The following SPIDR variants were observed in gnomAD, a reference collection of about 807,000 sequenced individuals.
SPIDR encodes DNA repair-scaffolding protein.
Under a neutral mutation model 104.6 loss-of-function variants are expected in SPIDR, and 93 were observed. The ratio of observed to expected loss-of-function variants is 0.89; its 90% CI spans 0.75 to 1.06. SPIDR has a LOEUF of 1.06. Among genes scored for constraint, SPIDR ranks in the 50% least tolerant of loss-of-function variants. SPIDR has a pLI of 0.00. For missense variants in SPIDR, 1,154 were observed against 1,111.2 expected, an observed-to-expected ratio of 1.04 and a Z score of -0.55; for synonymous variants, 431 against 416.9, an observed-to-expected ratio of 1.03 and a Z score of -0.41.
At chr8:47,569,536 T>G (rs2130413) in intron 8 of SPIDR, among the ~76,000 whole-genome samples, 73,989 of 152,072 alleles carry the variant, frequency 0.49, 21,263 homozygotes, top group East Asian at 0.73. Context: ...CTTAATAAGT[T>G]AAAATATTCA....
At chr8:47,558,884 C>T (rs752283019) in intron 8 of SPIDR, among the ~76,000 whole-genome samples, 20 of 152,292 alleles carry the variant, frequency 1.3e-4, no homozygotes, top group Admixed American at 7.8e-4. Flanking sequence ...GTGATCCACC[C>T]GCCCTTGGCC....
At chr8:47,324,633 T>C (rs2047352576) in intron 5 of SPIDR, among the ~76,000 whole-genome samples, 1 of 151,060 alleles carries the variant, frequency 6.6e-6, no homozygotes, top group Non-Finnish European at 1.5e-5. Flanking sequence ...GCTTTGGTTA[T>C]GGTTAAATGG....
chr8:47,595,176 G>A (rs1470086049), intron 8 of SPIDR, among the ~76,000 whole-genome samples: 1 of 152,092 alleles, frequency 6.6e-6, no homozygotes, highest in African/African-American at 2.4e-5. Flanking sequence ...AGGAATAGGG[G>A]AAAGTGTGAT....
At chr8:47,713,404 G>A (rs777814963) in intron 15 of SPIDR, 85 bp from the exon 16 acceptor site, 123 of 1,583,290 alleles carry the variant, frequency 7.8e-5, no homozygotes, top group Admixed American at 4.7e-4. Context: ...TGCATGACTC[G>A]AGGGGTAGCA....
intron 14 of SPIDR, among the ~76,000 whole-genome samples, chr8:47,710,591 C>T (rs530610478): frequency 6.6e-6 from 1 of 152,108 alleles, no homozygotes; most frequent in East Asian, 1.9e-4. Context: ...TCCTTAGCCT[C>T]CCGAGTAGCT....
intron 8 of SPIDR, among the ~76,000 whole-genome samples, chr8:47,588,026 CATATATATATATATATATAT>C (rs71548440): frequency 4.1e-3 from 95 of 23,416 alleles, no homozygotes; most frequent in Middle Eastern, 0.026. Context: ...TTAAAATTAG[CATATATATATATATATATAT>C]ATATATATAT....
chr8:47,429,115 C>T (rs1471268206), intron 7 of SPIDR, among the ~76,000 whole-genome samples: 2 of 152,150 alleles, frequency 1.3e-5, no homozygotes, highest in African/African-American at 4.8e-5. Flanking sequence ...GATTCCATGT[C>T]AGAAAATATC....
chr8:47,551,580 G>A (rs1238580535), intron 8 of SPIDR, among the ~76,000 whole-genome samples: 1 of 152,152 alleles, frequency 6.6e-6, no homozygotes. Flanking sequence ...AGTATTCTCT[G>A]ATGATAGTTT....
At position 47,736,239 on chromosome 8, in the gene SPIDR, A is replaced by ACAT. The variant is rs1435465802; in HGVS notation, c.*792_*794dup. 1.3e-5 allele frequency: 2 copies of ACAT among 152,352 alleles called. No homozygotes were observed. The highest frequency in any genetic ancestry group is 2.9e-5 in the Non-Finnish European group (2 of 68,138). 9.4% of individuals were successfully genotyped at this position (152,352 alleles called of 1,614,324 possible). A position where few individuals can be genotyped will look rare whatever the true frequency, so the allele number is the denominator to read the frequency against. ...TAATCATGACAGGCCATGGTTAACTACATCAGATACACGTAGCAGCCGTGA... is the reference window on the plus strand; with the variant it reads ...TAATCATGACAGGCCATGGTTAACTACATCATCAGATACACGTAGCAGCCGTGA... On this transcript the variant is annotated 3_prime_UTR_variant, in exon 20 of 20. Transcript: ENST00000297423.
intron 5 of SPIDR, among the ~76,000 whole-genome samples, chr8:47,377,611 C>A (rs192990864): frequency 3.9e-5 from 6 of 152,200 alleles, no homozygotes; most frequent in Non-Finnish European, 8.8e-5. Flanking sequence ...ATTCACAGGG[C>A]CTGTGTGACT....
intron 5 of SPIDR, among the ~76,000 whole-genome samples, chr8:47,343,521 A>G (rs1398713119): frequency 6.6e-6 from 1 of 152,222 alleles, no homozygotes; most frequent in Admixed American, 6.5e-5. Flanking sequence ...AGTGAGGGCC[A>G]GAAGAAGCCT....
intron 5 of SPIDR, among the ~76,000 whole-genome samples, chr8:47,352,818 C>G (rs1431532491): frequency 6.6e-6 from 1 of 152,074 alleles, no homozygotes; most frequent in African/African-American, 2.4e-5. Context: ...AATCTCAATG[C>G]TTTGGTAGGC....
chr8:47,391,390 A>G (rs1281643829), intron 5 of SPIDR, among the ~76,000 whole-genome samples: 1 of 151,792 alleles, frequency 6.6e-6, no homozygotes, highest in African/African-American at 2.4e-5. Flanking sequence ...AAAATTTAAA[A>G]ATAGCCAGGT....
At chr8:47,421,487 T>G (rs2065450184) in intron 7 of SPIDR, among the ~76,000 whole-genome samples, 1 of 152,192 alleles carries the variant, frequency 6.6e-6, no homozygotes, top group Admixed American at 6.5e-5. Flanking sequence ...TTCTCTGCAT[T>G]GGTTATTCTA....
At chr8:47,721,665 C>T (rs929438454) in intron 16 of SPIDR, among the ~76,000 whole-genome samples, 13 of 151,904 alleles carry the variant, frequency 8.6e-5, no homozygotes, top group Non-Finnish European at 1.5e-4. Flanking sequence ...TTAGTAGAGA[C>T]GGGGTTTCAC....
intron 8 of SPIDR, among the ~76,000 whole-genome samples, chr8:47,576,794 T>G (rs2059180765): frequency 6.6e-6 from 1 of 152,210 alleles, no homozygotes; most frequent in South Asian, 2.1e-4. Context: ...CATTATTGCC[T>G]TAAAATGCTC....
rs1355795204 is a variant in SPIDR at position 47,673,902 on chromosome 8, T to G, written c.1646T>G (p.Leu549Arg). ...ARQLEGKSCS[L>R]VGMKVLQKVT... Reference sequence around the variant, plus strand: ...CAGTTGGAAGGGAAGTCTTGCAGCCTGGTGGGAATGAAGGTTCTACAGAAA... The same window carrying G: ...CAGTTGGAAGGGAAGTCTTGCAGCCGGGTGGGAATGAAGGTTCTACAGAAA... Residue 549 changes from leucine to arginine, a missense_variant, in exon 11 of 20, where the codon CTG (leucine) becomes CGG (arginine). Leu to Arg is a moderately radical substitution (Grantham distance 102). Coordinates refer to ENST00000297423, the MANE Select transcript of SPIDR (RefSeq NM_001080394.4). 3 of 1,613,992 alleles carry G rather than the reference T, an allele frequency of 1.9e-6. No individual in the cohort carries two copies. In the East Asian group the frequency reaches 6.7e-5, roughly 36 times the overall value.
At chr8:47,400,633 C>A (rs887471096) in intron 6 of SPIDR, among the ~76,000 whole-genome samples, 3 of 151,238 alleles carry the variant, frequency 2.0e-5, no homozygotes, top group South Asian at 2.1e-4. Context: ...GTTTGCCCTG[C>A]AGGAAATGTC....
chr8:47,565,998 T>A (rs1397881230), intron 8 of SPIDR, among the ~76,000 whole-genome samples: 130 of 51,846 alleles, frequency 2.5e-3, no homozygotes, highest in East Asian at 4.0e-3. Flanking sequence ...ATATATTTTT[T>A]TTTTTTTTTT....
Sources: allele counts gnomAD v4.1 joint callset (sites outside exome capture counted in the v4.1 genomes callset), GRCh38; gene constraint gnomAD v4.1.1; transcripts MANE v1.5; gene names NCBI Gene and HGNC (gene_info 2026-07-23, HGNC 2026-07-21).